CNIH3: variants seen among roughly 807,000 people sequenced by gnomAD.
CNIH3 encodes the protein protein cornichon homolog 3.
A neutral mutation model predicts 24.1 loss-of-function variants in CNIH3; 14 were observed. That is an observed-to-expected ratio of 0.58 (90% CI 0.38 to 0.91). The LOEUF (loss-of-function observed/expected upper bound fraction) is 0.91, where lower values mean the gene tolerates loss of function less well. Among genes scored for constraint, CNIH3 ranks in the 40% least tolerant of loss-of-function variants. CNIH3 has a pLI of 0.00. For missense variants in CNIH3, 178 were observed against 196.8 expected (o/e 0.90, Z 0.57); for synonymous variants, 68 against 73.8 (o/e 0.92, Z 0.40).
chr1:224,563,802 T>C (rs1680472879), intron 3 of CNIH3, among the ~76,000 whole-genome samples: 1 of 152,184 alleles, frequency 6.6e-6, no homozygotes, highest in African/African-American at 2.4e-5. Flanking sequence ...AATTTTATAC[T>C]GTTGGGCATC....
At chr1:224,465,337 G>A (rs1238601690) in intron 1 of CNIH3, among the ~76,000 whole-genome samples, 2 of 152,156 alleles carry the variant, frequency 1.3e-5, no homozygotes, top group South Asian at 4.1e-4. Flanking sequence ...TCGAACTCCC[G>A]ACCTCAGGTC....
intron 1 of CNIH3, among the ~76,000 whole-genome samples, chr1:224,647,424 G>A (rs1684660087): frequency 6.6e-6 from 1 of 152,224 alleles, no homozygotes; most frequent in African/African-American, 2.4e-5. Flanking sequence ...TGTCCATGGA[G>A]GTGGAACAGG....
chr1:224,438,076 C>A (rs1674744247), intron 1 of CNIH3, among the ~76,000 whole-genome samples: 2 of 152,176 alleles, frequency 1.3e-5, no homozygotes, highest in Admixed American at 6.5e-5. Context: ...CCACACCCGG[C>A]TAATTTTTTG....
At chr1:224,685,228 A>G (rs750891269) in intron 3 of CNIH3, among the ~76,000 whole-genome samples, 34 of 152,146 alleles carry the variant, frequency 2.2e-4, no homozygotes, top group Non-Finnish European at 4.0e-4. Context: ...TTTTAACTAG[A>G]TGCTGGGTTT....
At chr1:224,716,441 A>G (rs1688435943) in intron 3 of CNIH3, among the ~76,000 whole-genome samples, 1 of 152,200 alleles carries the variant, frequency 6.6e-6, no homozygotes, top group Non-Finnish European at 1.5e-5. Flanking sequence ...GTATATAATA[A>G]ATGCTGAATG....
At chr1:224,473,714 C>T (rs1193607718) in intron 1 of CNIH3, among the ~76,000 whole-genome samples, 1 of 152,104 alleles carries the variant, frequency 6.6e-6, no homozygotes, top group Non-Finnish European at 1.5e-5. Flanking sequence ...CTTCAACACC[C>T]CACTTCCAGC....
chr1:224,539,931 GGGTGCACT>G (rs1256623519), downstream of CNIH3, among the ~76,000 whole-genome samples: 9 of 152,110 alleles, frequency 5.9e-5, no homozygotes, highest in Non-Finnish European at 1.2e-4. Context: ...AGCTCCTTGA[GGGTGCACT>G]GAATTTTATT....
upstream of CNIH3, chr1:224,615,250 G>C (rs1445526044): frequency 6.6e-6 from 1 of 152,074 alleles, no homozygotes; most frequent in Non-Finnish European, 1.5e-5. Flanking sequence ...AATCCATGAA[G>C]TGCGTCTACT....
At chr1:224,693,844 C>G (rs873594) in intron 3 of CNIH3, among the ~76,000 whole-genome samples, 65,126 of 152,150 alleles carry the variant, frequency 0.43, 15,369 homozygotes, top group Middle Eastern at 0.57. Context: ...TTTTGCATAT[C>G]AAGATCACCT....
chr1:224,610,187 T>C (rs1470193361), intron 3 of CNIH3, among the ~76,000 whole-genome samples: 1 of 152,228 alleles, frequency 6.6e-6, no homozygotes, highest in Non-Finnish European at 1.5e-5. Context: ...TTATAATGTG[T>C]GATAGGTTCG....
chr1:224,718,181 A>G (rs1353822772), intron 3 of CNIH3, among the ~76,000 whole-genome samples: 1 of 152,178 alleles, frequency 6.6e-6, no homozygotes, highest in Non-Finnish European at 1.5e-5. Context: ...CCATGGAAAA[A>G]TTAAAGTAAA....
chr1:224,651,824 C>G (rs536926087), intron 1 of CNIH3, among the ~76,000 whole-genome samples: 141 of 152,270 alleles, frequency 9.3e-4, no homozygotes, highest in Middle Eastern at 3.4e-3. Context: ...GTGTCTATTT[C>G]AATGGGATAA....
chr1:224,487,613 G>A (rs1435551033), intron 1 of CNIH3, among the ~76,000 whole-genome samples: 1 of 152,144 alleles, frequency 6.6e-6, no homozygotes, highest in African/African-American at 2.4e-5. Flanking sequence ...CTGCCTAAAA[G>A]GTAAAGGCAA....
intron 4 of CNIH3, among the ~76,000 whole-genome samples, chr1:224,734,147 A>G (rs1689477216): frequency 6.6e-6 from 1 of 152,236 alleles, no homozygotes; most frequent in African/African-American, 2.4e-5. Flanking sequence ...GTCCCGAAGT[A>G]TTCAGGATTT....
intron 1 of CNIH3, among the ~76,000 whole-genome samples, chr1:224,630,435 G>A (rs1683762241): frequency 6.6e-6 from 1 of 152,018 alleles, no homozygotes. Flanking sequence ...TTTTTCAGCT[G>A]CCTTGAGTCA....
At chr1:224,716,718 G>A (rs928369123) in intron 3 of CNIH3, among the ~76,000 whole-genome samples, 1 of 152,152 alleles carries the variant, frequency 6.6e-6, no homozygotes, top group Non-Finnish European at 1.5e-5. Flanking sequence ...TGGAGAGGAG[G>A]GAACTGTGGG....
intron 3 of CNIH3, among the ~76,000 whole-genome samples, chr1:224,686,881 T>G (rs1342160084): frequency 6.6e-6 from 1 of 152,244 alleles, no homozygotes; most frequent in African/African-American, 2.4e-5. Context: ...GCATATCGTT[T>G]GCATAAGTTC....
intron 1 of CNIH3, among the ~76,000 whole-genome samples, chr1:224,504,781 C>T (rs1249160156): frequency 6.6e-6 from 1 of 152,116 alleles, no homozygotes; most frequent in Non-Finnish European, 1.5e-5. Flanking sequence ...TGCTAGGCCT[C>T]AGTTTTCTTA....
At chr1:224,506,214 G>T (rs539759167) in intron 1 of CNIH3, among the ~76,000 whole-genome samples, 1 of 152,278 alleles carries the variant, frequency 6.6e-6, no homozygotes, top group African/African-American at 2.4e-5. Flanking sequence ...AGTGCTGTTG[G>T]TGTGTCACCA....
Sources: allele counts gnomAD v4.1 joint callset (sites outside exome capture counted in the v4.1 genomes callset), GRCh38; gene constraint gnomAD v4.1.1; transcripts MANE v1.5; gene names NCBI Gene and HGNC (gene_info 2026-07-23, HGNC 2026-07-21).